Variants in ATXN1 observed in about 807,000 individuals in gnomAD.
The protein encoded by ATXN1 is ataxin 1.
In ATXN1, 8 loss-of-function variants were observed where a neutral mutation model predicts 56.4. The ratio of observed to expected loss-of-function variants is 0.14; its 90% confidence interval spans 0.08 to 0.26. The LOEUF (loss-of-function observed/expected upper bound fraction) is 0.26, where lower values mean the gene tolerates loss of function less well. ATXN1 is among the 10% of genes least tolerant of loss of function. ATXN1 has a pLI of 1.00. For synonymous variants in ATXN1, 514 were observed against 494.6 expected (o/e 1.04, Z -0.52); for missense variants, 987 against 1,106.5 (o/e 0.89, Z 1.53).
At chr6:16,454,123 CTCAAAAAAA>C (rs1421126675) in intron 6 of ATXN1, among the ~76,000 whole-genome samples, 9 of 73,672 alleles carry the variant, frequency 1.2e-4, no homozygotes, top group African/African-American at 5.0e-4. Context: ...GAGACTCTGT[CTCAAAAAAA>C]AAAAAAAAAA....
chr6:16,578,066 T>C (rs887508121), intron 4 of ATXN1, among the ~76,000 whole-genome samples: 2 of 152,222 alleles, frequency 1.3e-5, no homozygotes, highest in Non-Finnish European at 2.9e-5. Context: ...TTTTCTTGAA[T>C]TCATTTTTGG....
chr6:16,364,362 T>C (rs1255237803), intron 6 of ATXN1, among the ~76,000 whole-genome samples: 1 of 152,098 alleles, frequency 6.6e-6, no homozygotes, highest in African/African-American at 2.4e-5. Flanking sequence ...TGGAGTGCAG[T>C]GGCGCGATCT....
intron 2 of ATXN1, among the ~76,000 whole-genome samples, chr6:16,743,037 G>A (rs1343044377): frequency 2.0e-5 from 3 of 152,196 alleles, no homozygotes; most frequent in Non-Finnish European, 2.9e-5. Context: ...TGTTAAGAAC[G>A]TGAACCTCAA....
chr6:16,500,066 T>C (rs1046067924), intron 5 of ATXN1, among the ~76,000 whole-genome samples: 1 of 152,254 alleles, frequency 6.6e-6, no homozygotes, highest in Non-Finnish European at 1.5e-5. Flanking sequence ...GGTTGCCACC[T>C]ACTCCTCCCA....
chr6:16,641,092 G>A (rs1036889500), intron 3 of ATXN1, among the ~76,000 whole-genome samples: 18 of 152,216 alleles, frequency 1.2e-4, no homozygotes, highest in African/African-American at 4.3e-4. Context: ...TTCTATGAAG[G>A]CTGAGAGAGG....
In ATXN1 at chr6:16,402,998, A is replaced by G. The variant is rs72823510; in HGVS notation, c.-160-74528T>C. ...CCAGTCTGAATTCAAATCTGTAGAT[A>G]GTGAATTTTTTTTAACTCTCTTAAA... On this transcript the variant is annotated intron_variant, in intron 6 of 7. Transcript: ENST00000436367. Among the ~76,000 whole-genome samples the G allele has an allele frequency of 4.1e-3, 629 of 152,330 alleles. 3 individuals carry two copies. Among genetic ancestry groups the G allele is most frequent in the Middle Eastern group, 0.01 (3 of 294 alleles).
chr6:16,606,867 T>TTGTGTGTGTG (rs759331296), intron 3 of ATXN1, among the ~76,000 whole-genome samples: 9 of 126,806 alleles, frequency 7.1e-5, no homozygotes, highest in East Asian at 2.7e-4. Flanking sequence ...GTTCCATGAG[T>TTGTGTGTGTG]TGTGTGTGTG....
intron 3 of ATXN1, among the ~76,000 whole-genome samples, chr6:16,639,390 C>T (rs565217875): frequency 3.9e-5 from 6 of 152,106 alleles, no homozygotes; most frequent in African/African-American, 7.2e-5. Context: ...ACAGGCTCAC[C>T]GCAACCTCCA....
chr6:16,375,409 T>C (rs1762123266), intron 6 of ATXN1, among the ~76,000 whole-genome samples: 2 of 152,366 alleles, frequency 1.3e-5, no homozygotes, highest in African/African-American at 4.8e-5. Context: ...TCAACAACTC[T>C]GCAATTCCTT....
chr6:16,381,588 C>A (rs961757943), intron 6 of ATXN1, among the ~76,000 whole-genome samples: 1 of 152,236 alleles, frequency 6.6e-6, no homozygotes, highest in Admixed American at 6.5e-5. Flanking sequence ...ATGACTTCAT[C>A]ATCCAGTGGC....
intron 2 of ATXN1, among the ~76,000 whole-genome samples, chr6:16,683,592 A>T (rs1298611721): frequency 6.6e-6 from 1 of 152,200 alleles, no homozygotes; most frequent in African/African-American, 2.4e-5. Flanking sequence ...TTTTTGGGCT[A>T]CCTGAAAGTG....
intron 2 of ATXN1, among the ~76,000 whole-genome samples, chr6:16,682,345 C>T (rs1160201323): frequency 1.3e-5 from 2 of 151,874 alleles, no homozygotes; most frequent in Non-Finnish European, 2.9e-5. Context: ...TACAGGTGTG[C>T]ACCACCACAC....
At chr6:16,633,936 C>T (rs900557464) in intron 3 of ATXN1, among the ~76,000 whole-genome samples, 7 of 152,126 alleles carry the variant, frequency 4.6e-5, no homozygotes, top group Non-Finnish European at 8.8e-5. Flanking sequence ...AAGGTGTCGG[C>T]CTGCTACTAA....
intron 5 of ATXN1, among the ~76,000 whole-genome samples, chr6:16,505,814 G>C (rs962754128): frequency 6.6e-6 from 1 of 152,122 alleles, no homozygotes; most frequent in Non-Finnish European, 1.5e-5. Context: ...ACTACTATGC[G>C]TCTATCTTTT....
chr6:16,604,324 C>CAAA (rs57547112), intron 3 of ATXN1, among the ~76,000 whole-genome samples: 5 of 112,102 alleles, frequency 4.5e-5, no homozygotes, highest in African/African-American at 1.0e-4. Context: ...AACTCTGTCT[C>CAAA]AAAAAAAAAA....
At chr6:16,453,534 T>C (rs1398092215) in intron 6 of ATXN1, among the ~76,000 whole-genome samples, 4 of 152,212 alleles carry the variant, frequency 2.6e-5, no homozygotes, top group Admixed American at 1.3e-4. Flanking sequence ...TACATCAGTG[T>C]AAGGTAATGA....
chr6:16,389,597 A>C (rs1353687922), intron 6 of ATXN1, among the ~76,000 whole-genome samples: 1 of 152,220 alleles, frequency 6.6e-6, no homozygotes, highest in Non-Finnish European at 1.5e-5. Context: ...ACTTATCGAC[A>C]ATCCTTTCAC....
chr6:16,730,491 A>G (rs62388010), intron 2 of ATXN1, among the ~76,000 whole-genome samples: 22 of 108,098 alleles, frequency 2.0e-4, no homozygotes, highest in Admixed American at 5.1e-4. Context: ...CAGTATGTAT[A>G]TATATATATA....
At chr6:16,388,816 G>A (rs906776198) in intron 6 of ATXN1, among the ~76,000 whole-genome samples, 2 of 152,138 alleles carry the variant, frequency 1.3e-5, no homozygotes, top group African/African-American at 2.4e-5. Context: ...CCTACAGTCT[G>A]TAAAGCTAAT....
Sources: gnomAD v4.1 joint callset for allele counts (sites outside exome capture counted in the v4.1 genomes callset) on GRCh38, gnomAD v4.1.1 for gene constraint, MANE v1.5 for transcripts, NCBI Gene and HGNC (gene_info 2026-07-23, HGNC 2026-07-21) for gene names.